ABCG5: variants seen among roughly 807,000 people sequenced by gnomAD.
The protein encoded by ABCG5 is ATP binding cassette subfamily G member 5.
A neutral mutation model predicts 64.5 loss-of-function variants in ABCG5; 64 were observed. The observed-to-expected ratio is 0.99, with a 90% CI of 0.81 to 1.22. The LOEUF (loss-of-function observed/expected upper bound fraction) is 1.22, where lower values mean the gene tolerates loss of function less well. ABCG5 is among the 50% of genes most tolerant of loss of function. The probability of loss-of-function intolerance (pLI) is 0.00; values close to 1 mark genes in which losing one functional copy is unlikely to be tolerated. For synonymous variants in ABCG5, 385 were observed against 326.3 expected, an observed-to-expected ratio of 1.18 and a Z score of -1.94; for missense variants, 908 against 829.5, an observed-to-expected ratio of 1.09 and a Z score of -1.16.
At position 43,813,213 on chromosome 2, in the gene ABCG5, A is replaced by T; in HGVS notation, c.1859T>A (p.Phe620Tyr). 1 of 1,610,666 alleles carries T rather than the reference A, an allele frequency of 6.2e-7. No individual in the cohort carries two copies. Among genetic ancestry groups the T allele is most frequent in the South Asian group, 1.1e-5 (1 of 90,944 alleles). The change falls in exon 13 of 13, where the codon TTC (phenylalanine) becomes TAC (tyrosine). Residue 620 changes from phenylalanine to tyrosine, a missense_variant. Transcript: ENST00000405322. ...ATACAAAATCAGAAAGTTCATTGTGAATCTAGATGTTGCACCTGGGCAGGT... is the reference window on the plus strand; with the variant it reads ...ATACAAAATCAGAAAGTTCATTGTGTATCTAGATGTTGCACCTGGGCAGGT... ...EKTCPGATSR[F>Y]TMNFLILYSF... is the part of the protein sequence containing the mutation.
At chr2:43,823,599 G>A (rs1175370379) in intron 9 of ABCG5, among the ~76,000 whole-genome samples, 3 of 152,056 alleles carry the variant, frequency 2.0e-5, no homozygotes, top group Admixed American at 2.0e-4. Context: ...GCACCCCATG[G>A]GCTGTGCATC....
At chr2:43,813,708 C>CTT (rs1558715512) in intron 12 of ABCG5, among the ~76,000 whole-genome samples, 59 of 35,324 alleles carry the variant, frequency 1.7e-3, no homozygotes, top group Admixed American at 4.1e-3. Context: ...TTTTTTTTTT[C>CTT]GTTTTTTTTT....
downstream of ABCG5, chr2:43,809,847 A>G (rs1666419308): frequency 2.0e-6 from 3 of 1,514,182 alleles, no homozygotes; most frequent in Admixed American, 7.0e-5. Flanking sequence ...TATTGTGGCA[A>G]TATGTGAAGA....
chr2:43,834,533 T>C (rs1668142142), intron 2 of ABCG5, among the ~76,000 whole-genome samples: 1 of 152,182 alleles, frequency 6.6e-6, no homozygotes, highest in Non-Finnish European at 1.5e-5. Flanking sequence ...ATGAATTTAG[T>C]TTTTTAAAAA....
At chr2:43,825,323 G>A (rs1047317660) in intron 6 of ABCG5, among the ~76,000 whole-genome samples, 6 of 152,154 alleles carry the variant, frequency 3.9e-5, no homozygotes, top group South Asian at 2.1e-4. Context: ...GGACCTGGGC[G>A]TAAGTCCCAG....
intron 5 of ABCG5, 54 bp downstream of exon 5, chr2:43,827,929 C>G (rs952669048): frequency 6.2e-7 from 1 of 1,610,256 alleles, no homozygotes; most frequent in Non-Finnish European, 8.5e-7. Context: ...AGTATCTGCA[C>G]ACACACAGAA....
At chr2:43,831,281 T>C (rs1413777301) in intron 4 of ABCG5, among the ~76,000 whole-genome samples, 1 of 151,978 alleles carries the variant, frequency 6.6e-6, no homozygotes, top group African/African-American at 2.4e-5. Flanking sequence ...CAAGAGATCC[T>C]CCTGCCTCAG....
chr2:43,822,600 G>T (rs1667301352), intron 10 of ABCG5, 197 bp downstream of exon 10: 1 of 985,290 alleles, frequency 1.0e-6, no homozygotes, highest in Non-Finnish European at 1.2e-6. Context: ...TTGTTCTCAG[G>T]TCTCCTGCAA....
intron 11 of ABCG5, among the ~76,000 whole-genome samples, chr2:43,819,128 C>G (rs1667030153): frequency 6.6e-6 from 1 of 152,042 alleles, no homozygotes; most frequent in South Asian, 2.1e-4. Context: ...TGCTTTTTGA[C>G]TTGATTTTTA....
intron 10 of ABCG5, among the ~76,000 whole-genome samples, chr2:43,822,104 A>G (rs1667248148): frequency 6.6e-6 from 1 of 152,148 alleles, no homozygotes; most frequent in African/African-American, 2.4e-5. Context: ...TCATCATTTA[A>G]GTAACTGCCC....
chr2:43,818,206 C>G (rs1666967600), intron 11 of ABCG5, among the ~76,000 whole-genome samples: 1 of 152,152 alleles, frequency 6.6e-6, no homozygotes, highest in Non-Finnish European at 1.5e-5. Context: ...AATCCTAGCA[C>G]TTTGGGAGGC....
chr2:43,825,395 A>G (rs1307312046), intron 6 of ABCG5, among the ~76,000 whole-genome samples: 1 of 152,054 alleles, frequency 6.6e-6, no homozygotes, highest in African/African-American at 2.4e-5. Context: ...TTTTGTTTTC[A>G]TTTTAAATCT....
intron 11 of ABCG5, among the ~76,000 whole-genome samples, chr2:43,816,464 A>G (rs1666836118): frequency 6.6e-6 from 1 of 152,248 alleles, no homozygotes; most frequent in Non-Finnish European, 1.5e-5. Context: ...TGAAAGGCAC[A>G]GACAGAAGGA....
downstream of ABCG5, chr2:43,809,963 C>A: frequency 7.8e-7 from 1 of 1,285,284 alleles, no homozygotes; most frequent in Non-Finnish European, 9.9e-7. Flanking sequence ...TGTAGAACCA[C>A]GTGTAATTTT....
At chr2:43,817,206 C>A (rs1379305435) in intron 11 of ABCG5, among the ~76,000 whole-genome samples, 4 of 152,196 alleles carry the variant, frequency 2.6e-5, no homozygotes, top group African/African-American at 7.2e-5. Context: ...AATTAACCAC[C>A]AGGTATAGTG....
chr2:43,811,316 A>C (rs1666472621), downstream of ABCG5, among the ~76,000 whole-genome samples: 1 of 152,202 alleles, frequency 6.6e-6, no homozygotes, highest in Non-Finnish European at 1.5e-5. Flanking sequence ...TAGTCTGATA[A>C]TTTACCAATG....
At chr2:43,808,781 G>T (rs1666368042), downstream of ABCG5, among the ~76,000 whole-genome samples, 1 of 152,028 alleles carries the variant, frequency 6.6e-6, no homozygotes, top group South Asian at 2.1e-4. Context: ...TATTTTTGCT[G>T]GCTGCCTTGG....
chr2:43,828,321 T>A, intron 4 of ABCG5: 1 of 694,504 alleles, frequency 1.4e-6, no homozygotes, highest in Non-Finnish European at 2.4e-6. Flanking sequence ...CAGATTTAAA[T>A]AAATAATATG....
intron 3 of ABCG5, 33 bp downstream of exon 3, chr2:43,831,913 GC>G: frequency 6.5e-7 from 1 of 1,546,980 alleles, no homozygotes. Context: ...CCCGGGGCGG[GC>G]GGGGGGGCCA....
Sources: allele counts gnomAD v4.1 joint callset (sites outside exome capture counted in the v4.1 genomes callset), GRCh38; gene constraint gnomAD v4.1.1; transcripts MANE v1.5; gene names NCBI Gene and HGNC (gene_info 2026-07-23, HGNC 2026-07-21).